The following NUDT12 variants were observed in gnomAD, a reference collection of about 807,000 sequenced individuals.
The protein encoded by NUDT12 is NAD-capped RNA hydrolase NUDT12.
NUDT12 carries 42 observed loss-of-function variants against 45.7 expected under a neutral mutation model. The ratio of observed to expected loss-of-function variants is 0.92; its 90% CI spans 0.72 to 1.19. The LOEUF (loss-of-function observed/expected upper bound fraction) is 1.19. NUDT12 is among the 50% of genes most tolerant of loss of function. NUDT12 has a pLI of 0.00. For synonymous variants in NUDT12, 206 were observed against 179.7 expected (o/e 1.15, Z -1.17); for missense variants, 590 against 533.1 (o/e 1.11, Z -1.05).
chr5:103,550,723 C>T lies in NUDT12; in HGVS notation c.*138G>A, dbSNP rs1049445293. 495 of 579,900 alleles carry T rather than the reference C, an allele frequency of 8.5e-4. 3 individuals carry two copies. Among genetic ancestry groups the T allele is most frequent in the Non-Finnish European group, 1.2e-4 (40 of 330,454 alleles). The allele number at this position is 579,900 out of a possible 1,614,324, so 35.9% of individuals were successfully genotyped here. A position where few individuals can be genotyped will look rare whatever the true frequency, so the allele number is the denominator to read the frequency against. On this transcript the variant is annotated 3_prime_UTR_variant, in exon 7 of 7. Coordinates refer to ENST00000230792, the MANE Select transcript of NUDT12 (RefSeq NM_031438.4). ...ATGAATTTGTGATTAAGACAGAACA[C>T]TTTGAAAATATTTCGAAAACCCAAC...
At position 103,556,095 on chromosome 5, in the gene NUDT12, A is replaced by T; in HGVS notation, c.800T>A (p.Val267Asp). The change falls in exon 4 of 7, where the codon GTT becomes GAT. Residue 267 changes from valine to aspartate, a missense_variant. Coordinates refer to ENST00000230792, the MANE Select transcript of NUDT12 (RefSeq NM_031438.4). ...LLQLKEKEAG[V>D]VAQARSVLAW... ...AAGAACAGATCTTGCTTGAGCTACA[A>T]CCCCTTCAAAAAAAAGAAAAGCACA... The T allele has an allele frequency of 1.3e-6, 2 of 1,564,750 alleles. No homozygotes were observed. Among genetic ancestry groups the T allele is most frequent in the Non-Finnish European group, 1.7e-6 (2 of 1,162,240 alleles).
Position 103,550,647 on chromosome 5 carries a change from T to C in NUDT12, c.*214A>G. On this transcript the variant is annotated 3_prime_UTR_variant, in exon 7 of 7. Coordinates refer to ENST00000230792, the MANE Select transcript of NUDT12 (RefSeq NM_031438.4). ...AAGAGAGAAAAAGTTCAGAGAAGAC[T>C]GACCCAAATTTAACATAATCTGAGG... The C allele has an allele frequency of 5.2e-6, 2 of 388,082 alleles. No homozygotes were observed. Among genetic ancestry groups the C allele is most frequent in the Non-Finnish European group, 9.4e-6 (2 of 213,318 alleles). 24.0% of individuals were successfully genotyped at this position (388,082 alleles called of 1,614,324 possible).
intron 2 of NUDT12, 72 bp from the exon 3 acceptor site, chr5:103,559,540 C>A (rs7725090): frequency 0.13 from 98,718 of 766,114 alleles, 7,191 homozygotes; most frequent in Middle Eastern, 0.19. Flanking sequence ...ATTTATTTCA[C>A]TAAAATATTT....
chr5:103,553,725 A>C (rs1748726889), intron 5 of NUDT12, among the ~76,000 whole-genome samples: 1 of 152,106 alleles, frequency 6.6e-6, no homozygotes, highest in African/African-American at 2.4e-5. Context: ...CTAAATGTCC[A>C]ATCAGCAGAA....
intron 6 of NUDT12, among the ~76,000 whole-genome samples, chr5:103,551,519 C>T (rs753284719): frequency 1.3e-5 from 2 of 152,052 alleles, no homozygotes; most frequent in African/African-American, 2.4e-5. Context: ...AATGACATCA[C>T]GAAAAAGCAA....
At position 103,562,777 on chromosome 5, in the gene NUDT12, C is replaced by CGGA. The variant is rs1208374969; in HGVS notation, c.-84_-82dup. The stretch of plus-strand genomic sequence containing the variant: ...ATATCCCACTCGCTTTTCCTGGAGC[C>CGGA]GGATGCAGTCTTCCCGACTTCCGGT... On this transcript the variant is annotated 5_prime_UTR_variant, in exon 1 of 7. Transcript: ENST00000230792. The CGGA allele has an allele frequency of 9.7e-6, 1 of 103,422 alleles. No individual in the cohort carries two copies. The highest frequency in any genetic ancestry group is 2.0e-5 in the Non-Finnish European group (1 of 50,774). 6.4% of individuals were successfully genotyped at this position (103,422 alleles called of 1,614,324 possible). A position where few individuals can be genotyped will look rare whatever the true frequency, so the allele number is the denominator to read the frequency against.
In NUDT12 at chr5:103,558,890, T is replaced by C. The variant is rs1251408823; in HGVS notation, c.785A>G (p.Glu262Gly). Residue 262 changes from glutamate (E) to glycine (G), a missense_variant, in exon 3 of 7, where the codon GAA (glutamate) becomes GGA (glycine). Glu to Gly is a moderately conservative substitution (Grantham distance 98, BLOSUM62 -2). Coordinates refer to ENST00000230792, the MANE Select transcript of NUDT12 (RefSeq NM_031438.4). Reference protein sequence around the residue: ...PPMPALLQLKEKEAGVVAQAR... With the variant: ...PPMPALLQLKGKEAGVVAQAR... ...CATTCATTTCTTACCAGCTTCTTTT[T>C]CTTTCAATTGCAGAAGGGCTGGCAT... 1.3e-6 allele frequency: 2 copies of C among 1,561,172 alleles called. No individual in the cohort carries two copies. Among genetic ancestry groups the C allele is most frequent in the Non-Finnish European group, 1.7e-6 (2 of 1,159,480 alleles).
At chr5:103,558,530 C>T (rs2112454698) in intron 3 of NUDT12, among the ~76,000 whole-genome samples, 1 of 152,248 alleles carries the variant, frequency 6.6e-6, no homozygotes, top group Non-Finnish European at 1.5e-5. Context: ...ACCCCAATTT[C>T]TTACCATGCC....
At position 103,558,107 on chromosome 5, in the gene NUDT12, C is replaced by G. The variant is rs559292139; in HGVS notation, c.796+772G>C. On this transcript the variant is annotated intron_variant, in intron 3 of 6. Coordinates refer to ENST00000230792, the MANE Select transcript of NUDT12 (RefSeq NM_031438.4). Reference sequence around the variant, plus strand: ...AATCTTTTCCTTCATTATTATATATCCCATATCCAATTCAATAGCAAAGAC... The same window carrying G: ...AATCTTTTCCTTCATTATTATATATGCCATATCCAATTCAATAGCAAAGAC... 2.0e-5 allele frequency among the ~76,000 whole-genome samples: 3 copies of G among 152,010 alleles called. No individual in the cohort carries two copies. In the East Asian group the frequency reaches 5.8e-4, roughly 29 times the overall value.
At chr5:103,554,888 G>C (rs188464532) in intron 4 of NUDT12, 35 bp from the exon 5 acceptor site, 17 of 838,980 alleles carry the variant, frequency 2.0e-5, no homozygotes, top group Middle Eastern at 4.8e-4. Context: ...ATGAATGGCA[G>C]GAAAAACGAA....
intron 3 of NUDT12, among the ~76,000 whole-genome samples, chr5:103,558,603 C>T (rs964296104): frequency 1.2e-4 from 18 of 152,092 alleles, no homozygotes; most frequent in Admixed American, 3.3e-4. Context: ...TCATGTTCTA[C>T]GTGTAGCAGG....
intron 3 of NUDT12, among the ~76,000 whole-genome samples, chr5:103,557,636 T>C (rs1229869241): frequency 6.6e-6 from 1 of 151,994 alleles, no homozygotes; most frequent in East Asian, 1.9e-4. Flanking sequence ...CTCAAGTTCA[T>C]AACAGCATTC....
rs879793561 is a variant in NUDT12 at position 103,549,198 on chromosome 5, A to G, written c.*1663T>C. 1.5e-4 allele frequency: 23 copies of G among 152,100 alleles called. No individual in the cohort carries two copies. The highest frequency in any genetic ancestry group is 1.4e-3 in the Admixed American group (22 of 15,260). 9.4% of individuals were successfully genotyped at this position (152,100 alleles called of 1,614,324 possible). ...ACATTTAGAGTAAAACTGAATTTCA[A>G]GATGCTCTATTTCATAATAATCAAG... On this transcript the variant is annotated 3_prime_UTR_variant, in exon 7 of 7. Coordinates refer to ENST00000230792, the MANE Select transcript of NUDT12 (RefSeq NM_031438.4).
chr5:103,558,220 C>T (rs992673726), intron 3 of NUDT12, among the ~76,000 whole-genome samples: 2 of 152,064 alleles, frequency 1.3e-5, no homozygotes, highest in Non-Finnish European at 2.9e-5. Flanking sequence ...CATATTACCA[C>T]CATCTCTCAC....
Position 103,548,962 on chromosome 5 carries a change from A to G in NUDT12, c.*1899T>C, listed in dbSNP as rs991411925. On this transcript the variant is annotated 3_prime_UTR_variant, in exon 7 of 7. Coordinates refer to ENST00000230792, the MANE Select transcript of NUDT12 (RefSeq NM_031438.4). ...AACTGGCCATTCCTTCTATTTACAT[A>G]GCTTTTCACCTCTCAGAGGTTGGCA... 17 of 152,128 alleles carry G rather than the reference A, an allele frequency of 1.1e-4. No individual in the cohort carries two copies. Among genetic ancestry groups the G allele is most frequent in the African/African-American group, 4.1e-4 (17 of 41,446 alleles). The allele number at this position is 152,128 out of a possible 1,614,324, so 9.4% of individuals were successfully genotyped here.
At position 103,559,155 on chromosome 5, in the gene NUDT12, C is replaced by T. The variant is rs1748935796; in HGVS notation, c.520G>A (p.Val174Ile). The T allele has an allele frequency of 1.9e-6, 3 of 1,564,740 alleles. No homozygotes were observed. The highest frequency in any genetic ancestry group is 2.6e-6 in the Non-Finnish European group (3 of 1,158,998). Residue 174 changes from valine to isoleucine, a missense_variant, in exon 3 of 7, where the codon GTT becomes ATT. Coordinates refer to ENST00000230792, the MANE Select transcript of NUDT12 (RefSeq NM_031438.4). ...GNKESFQQPEVRLCQLNYTDI... is the reference protein window; with the variant it reads ...GNKESFQQPEIRLCQLNYTDI... ...GTGTAGTTCAGCTGACAAAGCCTAA[C>T]TTCTGGCTGTTGGAAACTTTCTTTA...
chr5:103,550,651 C>A lies in NUDT12; in HGVS notation c.*210G>T. Reference sequence around the variant, plus strand: ...GAGAAAAAGTTCAGAGAAGACTGACCCAAATTTAACATAATCTGAGGCAAT... The same window carrying A: ...GAGAAAAAGTTCAGAGAAGACTGACACAAATTTAACATAATCTGAGGCAAT... On this transcript the variant is annotated 3_prime_UTR_variant, in exon 7 of 7. Transcript: ENST00000230792. The A allele has an allele frequency of 2.6e-5, 10 of 379,182 alleles. No homozygotes were observed. Among genetic ancestry groups the A allele is most frequent in the South Asian group, 5.4e-5 (1 of 18,666 alleles). The allele number at this position is 379,182 out of a possible 1,614,324, so 23.5% of individuals were successfully genotyped here.
intron 6 of NUDT12, 103 bp from the exon 7 acceptor site, chr5:103,551,074 G>T: frequency 2.5e-6 from 2 of 797,742 alleles, no homozygotes; most frequent in Non-Finnish European, 4.1e-6. Flanking sequence ...GAGTTTTACA[G>T]TGAATAACAA....
At chr5:103,561,036 G>A (rs1749017265) in intron 1 of NUDT12, among the ~76,000 whole-genome samples, 1 of 150,516 alleles carries the variant, frequency 6.6e-6, no homozygotes, top group Admixed American at 6.6e-5. Context: ...GCAGATGATA[G>A]AGCACACACT....
Sources: gnomAD v4.1 joint callset for allele counts (sites outside exome capture counted in the v4.1 genomes callset) on GRCh38, gnomAD v4.1.1 for gene constraint, MANE v1.5 for transcripts, NCBI Gene and HGNC (gene_info 2026-07-23, HGNC 2026-07-21) for gene names.